Variants in BACH1 observed in about 807,000 individuals in gnomAD.
BACH1 encodes the protein transcription regulator protein BACH1.
A neutral mutation model predicts 52.9 loss-of-function variants in BACH1; 35 were observed. The ratio of observed to expected loss-of-function variants is 0.66; its 90% CI spans 0.51 to 0.88. The LOEUF is 0.88. BACH1 is among the 40% of genes least tolerant of loss of function. The pLI is 0.00. For missense variants in BACH1, 808 were observed against 872.6 expected (o/e 0.93, Z 0.93); for synonymous variants, 321 against 319.6 (o/e 1.00, Z -0.05).
intron 1 of BACH1, among the ~76,000 whole-genome samples, 182 bp downstream of exon 1, chr21:29,299,135 G>A (rs1485463613): frequency 6.6e-6 from 1 of 151,426 alleles, no homozygotes; most frequent in Non-Finnish European, 1.5e-5. Context: ...GGCGCCGGCG[G>A]CCGGGATCCT....
intron 1 of BACH1, among the ~76,000 whole-genome samples, chr21:29,314,732 A>G (rs1358768722): frequency 6.6e-6 from 1 of 151,774 alleles, no homozygotes; most frequent in Non-Finnish European, 1.5e-5. Flanking sequence ...CCTTAGTTCA[A>G]ACTTTTTTTT....
chr21:29,327,106 A>C lies in BACH1; in HGVS notation c.1282A>C (p.Ile428Leu), dbSNP rs745428812. The C allele has an allele frequency of 9.3e-6, 15 of 1,614,110 alleles. No homozygotes were observed. The highest frequency in any genetic ancestry group is 1.3e-5 in the Non-Finnish European group (15 of 1,180,046). Residue 428 changes from isoleucine (I) to leucine (L), a missense_variant, in exon 3 of 5, where the codon ATC becomes CTC. Transcript: ENST00000286800. ...PAVAKDGSEQ[I>L]SQKRSECPWL... ...TGTGGCCAAAGATGGCTCAGAACAG[A>C]TCTCACAGAAACGGTCTGAGTGTCC...
At position 29,344,077 on chromosome 21, in the gene BACH1, C is replaced by T. The variant is rs1199552249; in HGVS notation, c.*1244C>T. The T allele has an allele frequency of 1.3e-5, 2 of 152,138 alleles. No individual in the cohort carries two copies. The highest frequency in any genetic ancestry group is 2.4e-5 in the African/African-American group (1 of 41,412). The allele number at this position is 152,138 out of a possible 1,614,324, so 9.4% of individuals were successfully genotyped here. Reference sequence around the variant, plus strand: ...CTGTTACAAAATAGATAACTGAGCACCTATCGCATAACATTTTGCGGTGGC... The same window carrying T: ...CTGTTACAAAATAGATAACTGAGCATCTATCGCATAACATTTTGCGGTGGC... On this transcript the variant is annotated 3_prime_UTR_variant, in exon 5 of 5. Coordinates refer to ENST00000286800, the MANE Select transcript of BACH1 (RefSeq NM_001186.4).
chr21:29,300,613 G>A (rs2123396239), intron 1 of BACH1, among the ~76,000 whole-genome samples: 1 of 152,172 alleles, frequency 6.6e-6, no homozygotes, highest in South Asian at 2.1e-4. Flanking sequence ...TGCAGCTAGG[G>A]GTAACCCAAT....
At position 29,343,781 on chromosome 21, in the gene BACH1, A is replaced by G. The variant is rs754383387; in HGVS notation, c.*948A>G. The G allele has an allele frequency of 6.6e-5, 10 of 152,212 alleles. No homozygotes were observed. The highest frequency in any genetic ancestry group is 1.2e-4 in the African/African-American group (5 of 41,454). The allele number at this position is 152,212 out of a possible 1,614,324, so 9.4% of individuals were successfully genotyped here. ...ACATCACGGGGAAAGAATGTTGCTT[A>G]CTTTTTACCAGGAGTGCAGTTCATT... On this transcript the variant is annotated 3_prime_UTR_variant, in exon 5 of 5. Transcript: ENST00000286800.
At chr21:29,348,721 A>G (rs1276098486), downstream of BACH1, among the ~76,000 whole-genome samples, 1 of 152,146 alleles carries the variant, frequency 6.6e-6, no homozygotes, top group Non-Finnish European at 1.5e-5. Context: ...ATCCCTGTAT[A>G]CAGGCGTTTT....
rs1179742082 is a variant in BACH1, at chr21:29,345,478, A to G, written c.*2645A>G. 1 of 152,216 alleles carries G rather than the reference A, an allele frequency of 6.6e-6. No homozygotes were observed. The highest frequency in any genetic ancestry group is 1.5e-5 in the Non-Finnish European group (1 of 68,022). 9.4% of individuals were successfully genotyped at this position (152,216 alleles called of 1,614,324 possible). A position where few individuals can be genotyped will look rare whatever the true frequency, so the allele number is the denominator to read the frequency against. On this transcript the variant is annotated 3_prime_UTR_variant, in exon 5 of 5. Coordinates refer to ENST00000286800, the MANE Select transcript of BACH1 (RefSeq NM_001186.4). ...GATTTTTTAAAAGCTGTTATGTTGA[A>G]TTCAGTAAAATAACATTACCTTATT...
intron 1 of BACH1, among the ~76,000 whole-genome samples, chr21:29,301,075 G>A (rs2123397132): frequency 6.6e-6 from 1 of 152,122 alleles, no homozygotes; most frequent in South Asian, 2.1e-4. Flanking sequence ...TGGCCCTTTG[G>A]TGAAAAAAAT....
chr21:29,354,036 G>T (rs1157067225), intron 2 of BACH1, among the ~76,000 whole-genome samples: 1 of 152,152 alleles, frequency 6.6e-6, no homozygotes, highest in African/African-American at 2.4e-5. Context: ...CAGAAGCTGA[G>T]GGATTGCTCA....
At chr21:29,349,323 C>T (rs1330510152), downstream of BACH1, among the ~76,000 whole-genome samples, 6 of 152,244 alleles carry the variant, frequency 3.9e-5, no homozygotes, top group African/African-American at 1.2e-4. Flanking sequence ...CCTTGAAAAT[C>T]GGTGAAAATC....
chr21:29,340,743 T>A (rs1011743700), intron 4 of BACH1, among the ~76,000 whole-genome samples: 1 of 152,196 alleles, frequency 6.6e-6, no homozygotes, highest in East Asian at 1.9e-4. Context: ...CATCCTCCTT[T>A]GGATTGGCTT....
chr21:29,337,282 A>G (rs1218808097), intron 4 of BACH1, among the ~76,000 whole-genome samples: 1 of 152,134 alleles, frequency 6.6e-6, no homozygotes, highest in Non-Finnish European at 1.5e-5. Context: ...CTGCTGCTGG[A>G]GTATTATTCC....
chr21:29,341,988 A>G (rs760224236), intron 4 of BACH1, among the ~76,000 whole-genome samples: 18 of 152,112 alleles, frequency 1.2e-4, no homozygotes, highest in Non-Finnish European at 7.4e-5. Context: ...AGCTCCAAAA[A>G]CCGTATGTTT....
chr21:29,329,501 C>G lies in BACH1; in HGVS notation c.1584C>G (p.Phe528Leu). ...TCATATTCTAGGTAAAACTGCCATT[C>G]AATGCACAACGGATAATTTCACTGT... ...REQECEVKLP[F>L]NAQRIISLSR... The change falls in exon 4 of 5, where the codon TTC becomes TTG. Residue 528 changes from phenylalanine (F) to leucine (L), a missense_variant. Transcript: ENST00000286800. 6.4e-7 allele frequency: 1 copy of G among 1,562,258 alleles called. No homozygotes were observed. Among genetic ancestry groups the G allele is most frequent in the Non-Finnish European group, 8.6e-7 (1 of 1,158,100 alleles).
chr21:29,354,078 G>A (rs1035912592), intron 2 of BACH1, among the ~76,000 whole-genome samples: 10 of 152,222 alleles, frequency 6.6e-5, no homozygotes, highest in African/African-American at 1.2e-4. Flanking sequence ...AAAGATGAGC[G>A]GGAAGCTGGG....
chr21:29,326,871 G>A lies in BACH1; in HGVS notation c.1047G>A (p.Lys349=). The A allele has an allele frequency of 6.2e-7, 1 of 1,614,214 alleles. No homozygotes were observed. The highest frequency in any genetic ancestry group is 8.5e-7 in the Non-Finnish European group (1 of 1,180,040). Reference sequence around the variant, plus strand: ...AAAACACAACAGTGTTAACAGAAAAGCCTTTGTCAGGTACAGACGTCCAAG... The same window carrying A: ...AAAACACAACAGTGTTAACAGAAAAACCTTTGTCAGGTACAGACGTCCAAG... ...GMQNTTVLTE[K]PLSGTDVQEK... Residue 349 remains lysine (K), a synonymous_variant, in exon 3 of 5, where the codon AAG becomes AAA. Transcript: ENST00000286800.
chr21:29,338,649 A>G lies in BACH1; in HGVS notation c.1777-3750A>G, dbSNP rs114203551. Among the ~76,000 whole-genome samples, 532 of 152,298 alleles carry G rather than the reference A, an allele frequency of 3.5e-3. 5 individuals are homozygous for G. Among genetic ancestry groups the G allele is most frequent in the African/African-American group, 0.012 (509 of 41,564 alleles). On this transcript the variant is annotated intron_variant, in intron 4 of 4. Transcript: ENST00000286800. ...CTCCCAAAGTGCTGAGATTTTAGGC[A>G]TGAGCCACCATGCCTGGCCTACATT...
intron 4 of BACH1, among the ~76,000 whole-genome samples, chr21:29,334,941 C>T (rs975092346): frequency 6.6e-6 from 1 of 152,184 alleles, no homozygotes; most frequent in South Asian, 2.1e-4. Flanking sequence ...TCCGTGTTGT[C>T]GTTGAGCAGC....
At chr21:29,359,620 C>G (rs1314078988) in intron 2 of BACH1, among the ~76,000 whole-genome samples, 1 of 151,796 alleles carries the variant, frequency 6.6e-6, no homozygotes, top group African/African-American at 2.4e-5. Flanking sequence ...TCCAGAATCA[C>G]TAAGCCAAAG....
Sources: allele counts gnomAD v4.1 joint callset (sites outside exome capture counted in the v4.1 genomes callset), GRCh38; gene constraint gnomAD v4.1.1; transcripts MANE v1.5; gene names NCBI Gene and HGNC (gene_info 2026-07-23, HGNC 2026-07-21).